Variants in SLX4 observed in about 807,000 individuals in gnomAD.
SLX4 encodes structure-specific endonuclease subunit SLX4.
SLX4 carries 112 observed loss-of-function variants against 146.2 expected under a neutral mutation model. That is an observed-to-expected ratio of 0.77 (90% confidence interval 0.66 to 0.90). SLX4 has a LOEUF of 0.90. Ranked by LOEUF, SLX4 falls within the 40% of genes least tolerant of loss-of-function variation. SLX4 has a pLI of 0.00. For missense variants in SLX4, 2,563 were observed against 2,392.7 expected, an observed-to-expected ratio of 1.07 and a Z score of -1.49; for synonymous variants, 1,061 against 997.7, an observed-to-expected ratio of 1.06 and a Z score of -1.20.
intron 10 of SLX4, among the ~76,000 whole-genome samples, chr16:3,594,172 A>G (rs1025697592): frequency 7.2e-5 from 11 of 152,232 alleles, no homozygotes; most frequent in Non-Finnish European, 1.5e-4. Context: ...CGGCCAAACA[A>G]TGGATTTTCA....
intron 5 of SLX4, chr16:3,600,477 G>A (rs2040713355): frequency 1.8e-5 from 3 of 170,962 alleles, no homozygotes; most frequent in African/African-American, 7.3e-5. Flanking sequence ...GAGCCTTCCA[G>A]AATGCAGATT....
intron 8 of SLX4, 78 bp downstream of exon 8, chr16:3,596,075 G>A: frequency 6.6e-7 from 1 of 1,512,550 alleles, no homozygotes; most frequent in East Asian, 2.5e-5. Context: ...ACAAGAGCCA[G>A]TCCATGGCAG....
intron 9 of SLX4, 34 bp downstream of exon 9, chr16:3,595,571 G>A: frequency 6.2e-7 from 1 of 1,611,588 alleles, no homozygotes. Context: ...GGGATGGCCG[G>A]GACCAGAGAG....
chr16:3,595,522 G>T, intron 9 of SLX4, 83 bp downstream of exon 9: 3 of 1,492,410 alleles, frequency 2.0e-6, no homozygotes, highest in Non-Finnish European at 2.8e-6. Context: ...GGGGGCCAGA[G>T]GCCAGCGGTG....
At chr16:3,588,248 C>T (rs1567168466) in intron 12 of SLX4, among the ~76,000 whole-genome samples, 1 of 152,252 alleles carries the variant, frequency 6.6e-6, no homozygotes, top group Admixed American at 6.5e-5. Context: ...CCCCCTCCCT[C>T]CAACCCAGGC....
At chr16:3,591,433 C>T in intron 11 of SLX4, 123 bp from the exon 12 acceptor site, 1 of 1,419,548 alleles carries the variant, frequency 7.0e-7, no homozygotes, top group Non-Finnish European at 9.6e-7. Flanking sequence ...CCAGGCCCTG[C>T]TTCCCTTTGA....
chr16:3,601,566 A>C, intron 4 of SLX4: 1 of 355,540 alleles, frequency 2.8e-6, no homozygotes, highest in African/African-American at 2.1e-5. Flanking sequence ...CCAATGGACG[A>C]AAGGATAAAC....
intron 4 of SLX4, chr16:3,601,845 T>G: frequency 2.3e-6 from 1 of 444,290 alleles, no homozygotes; most frequent in Non-Finnish European, 4.2e-6. Context: ...GGGGATTCTT[T>G]TGGGGGTGAT....
chr16:3,584,354 G>A (rs768580685), intron 13 of SLX4, among the ~76,000 whole-genome samples: 9 of 151,638 alleles, frequency 5.9e-5, no homozygotes, highest in Non-Finnish European at 1.2e-4. Context: ...CCGGGAGGTG[G>A]AGGTTGCAGT....
chr16:3,600,185 T>A (rs2040710641), intron 5 of SLX4, among the ~76,000 whole-genome samples: 1 of 152,154 alleles, frequency 6.6e-6, no homozygotes, highest in Non-Finnish European at 1.5e-5. Flanking sequence ...TCCATGCATG[T>A]GCGGCTCACA....
Position 3,600,969 on chromosome 16 carries a change from G to A in SLX4, c.1163+10C>T, listed in dbSNP as rs80116508. 102,279 of 1,611,776 alleles carry A rather than the reference G, an allele frequency of 0.063. 3,489 individuals carry two copies. The highest frequency in any genetic ancestry group is 0.071 in the African/African-American group (5,339 of 74,914). On this transcript the variant is annotated intron_variant, in intron 5 of 14. Coordinates refer to ENST00000294008, the MANE Select transcript of SLX4 (RefSeq NM_032444.4). ...ATTTGGCTTGGTTTTCTTCCTTTTC[G>A]TCGACTTACCTGAACATGGGTGGGC...
chr16:3,584,775 A>G lies in SLX4; in HGVS notation c.4733T>C (p.Leu1578Pro), dbSNP rs771884489. 5 of 1,612,846 alleles carry G rather than the reference A, an allele frequency of 3.1e-6. No individual in the cohort carries two copies. Among genetic ancestry groups the G allele is most frequent in the Non-Finnish European group, 4.2e-6 (5 of 1,178,834 alleles). ...AGCTTTGAAGACCGCCAACCTATCC[A>G]GTTCCTTCTTCAGCACCGGCGTCTC... is the stretch of plus-strand genomic sequence containing the variant. Reference protein sequence around the residue: ...IMETPVLKKELDRFGVRPLPK... With the variant: ...IMETPVLKKEPDRFGVRPLPK... The change falls in exon 13 of 15, where the codon CTG (leucine) becomes CCG (proline). Residue 1578 changes from leucine (L) to proline (P), a missense_variant. Leu to Pro is a moderately conservative substitution (Grantham distance 98, BLOSUM62 -3). Coordinates refer to ENST00000294008, the MANE Select transcript of SLX4 (RefSeq NM_032444.4).
chr16:3,597,364 A>T lies in SLX4; in HGVS notation c.1683+15T>A. The T allele has an allele frequency of 3.9e-6, 6 of 1,530,078 alleles. No homozygotes were observed. Among genetic ancestry groups the T allele is most frequent in the Non-Finnish European group, 4.4e-6 (5 of 1,135,772 alleles). 94.8% of individuals were successfully genotyped at this position (1,530,078 alleles called of 1,614,324 possible). A position where few individuals can be genotyped will look rare whatever the true frequency, so the allele number is the denominator to read the frequency against. On this transcript the variant is annotated intron_variant, in intron 7 of 14. Coordinates refer to ENST00000294008, the MANE Select transcript of SLX4 (RefSeq NM_032444.4). This position sits in a 1 kb window ranked among gnomAD's most constrained non-coding sequence, Gnocchi z 4.4. ...CCCCAAAAGCCTATCCATGTGCCTG[A>T]GGGGAGGGACTCACCTGGGCAGGCC...
At position 3,589,229 on chromosome 16, in the gene SLX4, G is replaced by A. The variant is rs72778139; in HGVS notation, c.4409C>T (p.Pro1470Leu). 345 of 1,610,236 alleles carry A rather than the reference G, an allele frequency of 2.1e-4. No individual in the cohort carries two copies. The highest frequency in any genetic ancestry group is 2.8e-4 in the Non-Finnish European group (330 of 1,176,976). The change falls in exon 12 of 15, where the codon CCG becomes CTG. Residue 1470 changes from proline (P) to leucine (L), a missense_variant. Transcript: ENST00000294008. The surrounding 1 kb of genome is among the most constrained non-coding windows in gnomAD (Gnocchi z 6.2). ...EAADSRDCRS[P>L]GLLDTTPIRG... ...GATGGGGGTGGTGTCCAGGAGTCCC[G>A]GGGAGCGACAGTCACGGCTGTCGGC...
In SLX4 at chr16:3,597,468, C is replaced by T. The variant is rs2040675047; in HGVS notation, c.1594G>A (p.Glu532Lys). The T allele has an allele frequency of 6.2e-7, 1 of 1,613,804 alleles. No individual in the cohort carries two copies. Among genetic ancestry groups the T allele is most frequent in the Non-Finnish European group, 8.5e-7 (1 of 1,179,952 alleles). Residue 532 changes from glutamate (E) to lysine (K), a missense_variant, in exon 7 of 15, where the codon GAG becomes AAG. Coordinates refer to ENST00000294008, the MANE Select transcript of SLX4 (RefSeq NM_032444.4). The surrounding 1 kb of genome is among the most constrained non-coding windows in gnomAD (Gnocchi z 4.4). ...CAGGCCCCAGTCAGTGCGCTGCCCT[C>T]CCACAGAAAGCTCTGCTTGCGTTCA... ...PPERKQSFLWEGSALTGAWAM... is the reference protein window; with the variant it reads ...PPERKQSFLWKGSALTGAWAM...
chr16:3,587,736 C>T (rs78700938), intron 12 of SLX4, among the ~76,000 whole-genome samples: 3,246 of 152,128 alleles, frequency 0.021, 118 homozygotes, highest in African/African-American at 0.069. Context: ...GGGCCACGGG[C>T]GTGCTATAAG....
rs765804056 is a variant in SLX4, at chr16:3,594,568, C to A, written c.2045G>T (p.Gly682Val). 3 of 1,614,066 alleles carry A rather than the reference C, an allele frequency of 1.9e-6. No homozygotes were observed. The highest frequency in any genetic ancestry group is 2.5e-6 in the Non-Finnish European group (3 of 1,179,974). Reference sequence around the variant, plus strand: ...CAGGTGTGGGTTATTGACCATGGCGCCAAAGTCAGCAACCAGCAGCCCGAG... The same window carrying A: ...CAGGTGTGGGTTATTGACCATGGCGACAAAGTCAGCAACCAGCAGCCCGAG... ...LSLGLLVADF[G>V]AMVNNPHLSD... The change falls in exon 10 of 15, where the codon GGC (glycine) becomes GTC (valine). Residue 682 changes from glycine to valine, a missense_variant. Transcript: ENST00000294008.
chr16:3,602,038 G>A (rs1266012105), intron 4 of SLX4, 80 bp downstream of exon 4: 2 of 1,556,580 alleles, frequency 1.3e-6, no homozygotes, highest in Non-Finnish European at 1.8e-6. Flanking sequence ...GTAAGGTGTG[G>A]AGATCCGCAC....
At position 3,582,559 on chromosome 16, in the gene SLX4, T is replaced by A; in HGVS notation, c.5288A>T (p.Lys1763Met). The A allele has an allele frequency of 6.2e-7, 1 of 1,613,840 alleles. No individual in the cohort carries two copies. The highest frequency in any genetic ancestry group is 8.5e-7 in the Non-Finnish European group (1 of 1,180,030). ...DEALRCYIRS[K>M]PALYQKVLLY... ...CAGCACCTTCTGGTACAGGGCCGGCTTGGAGCGGATGTAGCACCTCAGCGC... is the reference window on the plus strand; with the variant it reads ...CAGCACCTTCTGGTACAGGGCCGGCATGGAGCGGATGTAGCACCTCAGCGC... The change falls in exon 15 of 15, where the codon AAG becomes ATG. Residue 1763 changes from lysine (K) to methionine (M), a missense_variant. Lys to Met is a moderately conservative substitution (Grantham distance 95). Coordinates refer to ENST00000294008, the MANE Select transcript of SLX4 (RefSeq NM_032444.4).
Sources: gnomAD v4.1 joint callset for allele counts (sites outside exome capture counted in the v4.1 genomes callset) on GRCh38, gnomAD v4.1.1 for gene constraint, Gnocchi (gnomAD v3.1) non-coding constraint, MANE v1.5 for transcripts, NCBI Gene and HGNC (gene_info 2026-07-23, HGNC 2026-07-21) for gene names.